RBFOX1: variants seen among roughly 807,000 people sequenced by gnomAD.
The protein encoded by RBFOX1 is RNA binding fox-1 homolog 1.
Under a neutral mutation model 57.7 loss-of-function variants are expected in RBFOX1, and 8 were observed. The ratio of observed to expected loss-of-function variants is 0.14; its 90% CI spans 0.08 to 0.25. The LOEUF is 0.25. Among genes scored for constraint, RBFOX1 ranks in the 10% least tolerant of loss-of-function variants. The pLI, the probability that RBFOX1 is intolerant of heterozygous loss-of-function variation, is 1.00. For synonymous variants in RBFOX1, 326 were observed against 222.4 expected (o/e 1.47, Z -4.15); for missense variants, 611 against 548.5 (o/e 1.11, Z -1.14).
chr16:7,592,921 T>G (rs1231804797), intron 7 of RBFOX1, among the ~76,000 whole-genome samples: 1 of 151,430 alleles, frequency 6.6e-6, no homozygotes, highest in African/African-American at 2.4e-5. Flanking sequence ...AAGCAATGAA[T>G]GCTCCCACCT....
At chr16:6,831,014 A>G (rs1411064998) in intron 3 of RBFOX1, among the ~76,000 whole-genome samples, 2 of 152,240 alleles carry the variant, frequency 1.3e-5, no homozygotes, top group African/African-American at 4.8e-5. Context: ...CGGATTTACC[A>G]TCTAAGCCTT....
At chr16:7,126,499 T>C in intron 4 of RBFOX1, 1 of 226,220 alleles carries the variant, frequency 4.4e-6, no homozygotes, top group East Asian at 1.1e-4. Context: ...CTGACTGCTG[T>C]GGCCTCTACT....
intron 3 of RBFOX1, among the ~76,000 whole-genome samples, chr16:5,814,907 G>A (rs930291281): frequency 6.6e-6 from 1 of 151,962 alleles, no homozygotes; most frequent in East Asian, 1.9e-4. Flanking sequence ...CCGCAGTCCG[G>A]CCTGGGCGAC....
At chr16:6,530,133 T>C (rs1161153340) in intron 2 of RBFOX1, among the ~76,000 whole-genome samples, 1 of 152,190 alleles carries the variant, frequency 6.6e-6, no homozygotes, top group East Asian at 1.9e-4. Flanking sequence ...TGTTTTTCTT[T>C]CCTCCCCTTC....
intron 3 of RBFOX1, among the ~76,000 whole-genome samples, chr16:6,780,173 A>G (rs1431293699): frequency 2.7e-5 from 1 of 37,552 alleles, no homozygotes; most frequent in African/African-American, 2.4e-4. Context: ...ATATATTTTT[A>G]TATATTTATA....
chr16:5,517,929 A>ACT (rs1416116429), intron 2 of RBFOX1, among the ~76,000 whole-genome samples: 3 of 125,102 alleles, frequency 2.4e-5, no homozygotes, highest in African/African-American at 9.2e-5. Context: ...TGCAAAAGCT[A>ACT]CTGTGTGTGT....
intron 1 of RBFOX1, among the ~76,000 whole-genome samples, chr16:6,050,856 A>G (rs1320074221): frequency 1.3e-5 from 2 of 151,664 alleles, no homozygotes; most frequent in East Asian, 1.9e-4. Context: ...GTTTTACTAC[A>G]AATGCAGGGA....
chr16:6,491,317 G>T (rs969142021), intron 2 of RBFOX1, among the ~76,000 whole-genome samples: 1 of 151,898 alleles, frequency 6.6e-6, no homozygotes, highest in Admixed American at 6.6e-5. Flanking sequence ...GAATACTTCC[G>T]CATCTTAAGG....
At chr16:6,978,927 G>A (rs182655355) in intron 3 of RBFOX1, among the ~76,000 whole-genome samples, 2 of 152,282 alleles carry the variant, frequency 1.3e-5, no homozygotes, top group East Asian at 1.9e-4. Context: ...CAGAGGCCTG[G>A]GGACCACACC....
intron 2 of RBFOX1, among the ~76,000 whole-genome samples, chr16:6,523,450 A>G (rs1037995287): frequency 2.0e-5 from 3 of 152,168 alleles, no homozygotes; most frequent in Non-Finnish European, 2.9e-5. Context: ...ATTTTGTCCA[A>G]TGCAGTGAAG....
intron 2 of RBFOX1, among the ~76,000 whole-genome samples, chr16:6,554,362 T>G (rs2097054173): frequency 6.6e-6 from 1 of 152,076 alleles, no homozygotes; most frequent in African/African-American, 2.4e-5. Flanking sequence ...AGATGCGAAG[T>G]AGATTAGTAA....
intron 4 of RBFOX1, among the ~76,000 whole-genome samples, chr16:7,456,890 T>C (rs942697723): frequency 7.7e-6 from 1 of 129,204 alleles, no homozygotes; most frequent in Non-Finnish European, 1.9e-5. Context: ...GAAGGTGTAC[T>C]TTTTTTCTTT....
At chr16:6,539,588 G>T (rs963954912) in intron 2 of RBFOX1, among the ~76,000 whole-genome samples, 1 of 151,930 alleles carries the variant, frequency 6.6e-6, no homozygotes, top group African/African-American at 2.4e-5. Flanking sequence ...ACCTAAGGTC[G>T]GGAGTTCAAG....
In RBFOX1 at chr16:6,450,822, T is replaced by C. The variant is rs866706389; in HGVS notation, c.-64+133765T>C. Among the ~76,000 whole-genome samples, 107 of 32,828 alleles carry C rather than the reference T, an allele frequency of 3.3e-3. 8 individuals are homozygous for C. The highest frequency in any genetic ancestry group is 6.5e-3 in the Admixed American group (18 of 2,776). The allele number at this position is 32,828 out of a possible 152,430, so 21.5% of individuals were successfully genotyped here. ...ATATGTATATATATATATATACATA[T>C]ATATATATATATATGTGTATATATA... is the stretch of plus-strand genomic sequence containing the variant. On this transcript the variant is annotated intron_variant, in intron 2 of 15. Transcript: ENST00000550418.
At chr16:6,515,940 A>T (rs1019369188) in intron 2 of RBFOX1, among the ~76,000 whole-genome samples, 1 of 152,056 alleles carries the variant, frequency 6.6e-6, no homozygotes, top group Non-Finnish European at 1.5e-5. Context: ...TGAAACCTGT[A>T]TTTTTTTAGG....
At chr16:6,440,716 G>A (rs970566825) in intron 2 of RBFOX1, among the ~76,000 whole-genome samples, 12 of 151,312 alleles carry the variant, frequency 7.9e-5, no homozygotes, top group African/African-American at 2.4e-4. Flanking sequence ...CAGGAGAATC[G>A]CTTGAACTTG....
At chr16:7,232,215 G>A (rs749164063) in intron 4 of RBFOX1, among the ~76,000 whole-genome samples, 9 of 151,976 alleles carry the variant, frequency 5.9e-5, no homozygotes, top group Non-Finnish European at 8.8e-5. Context: ...TGAGAGACGG[G>A]GTTTCACCAT....
chr16:6,941,296 C>CCTTCCTTCCT (rs1567990398), intron 3 of RBFOX1, among the ~76,000 whole-genome samples: 3 of 64,642 alleles, frequency 4.6e-5, no homozygotes, highest in African/African-American at 6.1e-5. Context: ...CCTTCCCTCC[C>CCTTCCTTCCT]TCCCTCCTTC....
Position 6,428,071 on chromosome 16 carries a change from C to G in RBFOX1, c.-64+111014C>G, listed in dbSNP as rs546616349. ...GCCGAGGCAGGCAAATCACTTGAGC[C>G]TGGGAGTTCAAGATCAACCTGGGCA... On this transcript the variant is annotated intron_variant, in intron 2 of 15. Transcript: ENST00000550418. Among the ~76,000 whole-genome samples, 80 of 152,102 alleles carry G rather than the reference C, an allele frequency of 5.3e-4. 2 individuals are homozygous for G. Among genetic ancestry groups the G allele is most frequent in the African/African-American group, 1.9e-3 (80 of 41,486 alleles).
Sources: gnomAD v4.1 joint callset for allele counts (sites outside exome capture counted in the v4.1 genomes callset) on GRCh38, gnomAD v4.1.1 for gene constraint, MANE v1.5 for transcripts, NCBI Gene and HGNC (gene_info 2026-07-23, HGNC 2026-07-21) for gene names.